Variants in ANKRD11 observed in about 807,000 individuals in gnomAD.
ANKRD11 encodes the protein ankyrin repeat domain-containing protein 11.
Under a neutral mutation model 195.7 loss-of-function variants are expected in ANKRD11, and 17 were observed. The ratio of observed to expected loss-of-function variants is 0.09; its 90% confidence interval spans 0.06 to 0.13. ANKRD11 has a LOEUF of 0.13. ANKRD11 is among the 10% of genes least tolerant of loss of function. ANKRD11 has a pLI of 1.00. For missense variants in ANKRD11, 3,735 were observed against 3,566.1 expected (o/e 1.05, Z -1.21); for synonymous variants, 1,953 against 1,528.1 (o/e 1.28, Z -6.49).
At chr16:89,461,194 C>T (rs1249146871) in intron 1 of ANKRD11, among the ~76,000 whole-genome samples, 17 of 86,152 alleles carry the variant, frequency 2.0e-4, no homozygotes, top group East Asian at 4.6e-4. Context: ...CCCCCCCCCC[C>T]TTATAGGAGA....
chr16:89,284,340 T>A lies in ANKRD11; in HGVS notation c.2202A>T (p.Glu734Asp). The change falls in exon 9 of 13, where the codon GAA becomes GAT. Residue 734 changes from glutamate (E) to aspartate (D), a missense_variant. Glu to Asp is a conservative substitution (Grantham distance 45). Transcript: ENST00000301030. ...CTGCTTTATTCGAACGGTCTTTCTC[T>A]TCTCGGAAAGACCTGCTGATGTCTT... The part of the protein sequence containing the change: ...TNKDISRSFR[E>D]EKDRSNKAEK... 6.2e-7 allele frequency: 1 copy of A among 1,613,954 alleles called. No individual in the cohort carries two copies.
chr16:89,362,502 G>C (rs953110623), intron 2 of ANKRD11, among the ~76,000 whole-genome samples: 9 of 152,238 alleles, frequency 5.9e-5, no homozygotes. Context: ...CTGAACCCAT[G>C]TGTCCAGCAC....
chr16:89,471,501 A>G (rs2057083060), intron 1 of ANKRD11, among the ~76,000 whole-genome samples: 1 of 151,658 alleles, frequency 6.6e-6, no homozygotes, highest in Non-Finnish European at 1.5e-5. Flanking sequence ...CACTTAAGAT[A>G]TGATTTCATG....
At chr16:89,326,313 G>A (rs1025736524) in intron 2 of ANKRD11, among the ~76,000 whole-genome samples, 5 of 152,154 alleles carry the variant, frequency 3.3e-5, no homozygotes, top group Admixed American at 1.3e-4. Flanking sequence ...AGAAAGGTCT[G>A]GGGTGTCACG....
rs575272377 is a variant in ANKRD11, at chr16:89,270,886, G to C, written c.7737C>G (p.Arg2579=). 2 of 1,613,990 alleles carry C rather than the reference G, an allele frequency of 1.2e-6. No individual in the cohort carries two copies. Among genetic ancestry groups the C allele is most frequent in the Non-Finnish European group, 1.7e-6 (2 of 1,180,000 alleles). The change falls in exon 12 of 13, where the codon CGC becomes CGG. Residue 2579 remains arginine (R), a synonymous_variant. Transcript: ENST00000301030. The part of the protein sequence containing the change: ...ESQGDENKSV[R]DRFNARQFIS... ...TGAACTGGCGGGCGTTGAAACGGTC[G>C]CGCACTGACTTGTTCTCGTCACCCT... is the stretch of plus-strand genomic sequence containing the variant.
chr16:89,286,964 G>A, intron 7 of ANKRD11: 1 of 1,289,758 alleles, frequency 7.8e-7, no homozygotes, highest in Non-Finnish European at 1.0e-6. Flanking sequence ...TCCAGTTCGT[G>A]TGTGACATGT....
intron 1 of ANKRD11, among the ~76,000 whole-genome samples, chr16:89,454,169 C>T (rs561573092): frequency 2.7e-3 from 404 of 152,302 alleles, no homozygotes; most frequent in African/African-American, 9.4e-3. Flanking sequence ...ACGACAGCCG[C>T]GCCACAACCA....
In ANKRD11 at chr16:89,318,349, C is replaced by G. The variant is rs1488651748; in HGVS notation, c.-59-1271G>C. On this transcript the variant is annotated intron_variant, in intron 2 of 12. Transcript: ENST00000301030. The stretch of plus-strand genomic sequence containing the variant: ...GGGGACACACCTACACACCCACACC[C>G]AAAGCCACTGTCCCCCCATCATGTC... 2.0e-5 allele frequency among the ~76,000 whole-genome samples: 3 copies of G among 152,346 alleles called. No individual in the cohort carries two copies. The East Asian group carries it at 5.8e-4, about 29-fold the overall frequency.
At chr16:89,341,221 C>G (rs2038639984) in intron 2 of ANKRD11, among the ~76,000 whole-genome samples, 1 of 152,242 alleles carries the variant, frequency 6.6e-6, no homozygotes, top group Non-Finnish European at 1.5e-5. Context: ...GACTGGACTT[C>G]TGCTGCCATC....
intron 2 of ANKRD11, among the ~76,000 whole-genome samples, chr16:89,318,983 A>G (rs537668909): frequency 6.6e-6 from 1 of 152,354 alleles, no homozygotes; most frequent in East Asian, 1.9e-4. Context: ...GCCTGGAGAA[A>G]GGGCATCTCA....
chr16:89,290,247 G>GTT, intron 6 of ANKRD11, among the ~76,000 whole-genome samples: 1 of 23,814 alleles, frequency 4.2e-5, no homozygotes, highest in African/African-American at 1.2e-4. Context: ...GGCTCCAGCG[G>GTT]GGGGTAGGCT....
chr16:89,404,103 G>C (rs899958505), intron 2 of ANKRD11, among the ~76,000 whole-genome samples: 1 of 152,170 alleles, frequency 6.6e-6, no homozygotes, highest in African/African-American at 2.4e-5. Context: ...TGCTAGCCCG[G>C]CACATGATTG....
chr16:89,301,080 C>T, intron 4 of ANKRD11: 2 of 540,520 alleles, frequency 3.7e-6, no homozygotes, highest in Non-Finnish European at 6.5e-6. Context: ...ACCTCAAAAA[C>T]ATTCGCTGGT....
chr16:89,388,506 G>A (rs1597243616), intron 2 of ANKRD11, among the ~76,000 whole-genome samples: 2 of 151,954 alleles, frequency 1.3e-5, no homozygotes, highest in East Asian at 3.9e-4. Context: ...TCCCTGTGGT[G>A]CTGTCGAACG....
chr16:89,469,553 G>A (rs966630269), intron 1 of ANKRD11, among the ~76,000 whole-genome samples: 3 of 149,138 alleles, frequency 2.0e-5, no homozygotes, highest in Admixed American at 6.7e-5. Context: ...TTTGAACACC[G>A]TACTGGAGAT....
intron 11 of ANKRD11, chr16:89,272,235 A>G (rs1307456654): frequency 1.3e-5 from 2 of 152,230 alleles, no homozygotes; most frequent in East Asian, 1.9e-4. Flanking sequence ...TCCAAAAGAC[A>G]GACAATCACA....
At chr16:89,481,694 C>A (rs901923787) in intron 1 of ANKRD11, among the ~76,000 whole-genome samples, 2 of 152,140 alleles carry the variant, frequency 1.3e-5, no homozygotes, top group Non-Finnish European at 2.9e-5. Flanking sequence ...TCATTGCAAA[C>A]CCTACACAAC....
intron 1 of ANKRD11, among the ~76,000 whole-genome samples, chr16:89,476,530 C>T (rs923182905): frequency 1.3e-5 from 2 of 152,222 alleles, no homozygotes; most frequent in Non-Finnish European, 2.9e-5. Flanking sequence ...GACCCAACGC[C>T]TACGCTTGCT....
rs531483424 is a variant in ANKRD11 at position 89,304,600 on chromosome 16, GCACA to G, written c.226+602_226+605del. Among the ~76,000 whole-genome samples, 331 of 147,644 alleles carry G rather than the reference GCACA, an allele frequency of 2.2e-3. 1 individual carries two copies. The highest frequency in any genetic ancestry group is 8.0e-3 in the African/African-American group (318 of 39,622). On this transcript the variant is annotated intron_variant, in intron 4 of 12. Transcript: ENST00000301030. ...TACATACAAGTACATACACACACGGGCACACACACGGGCATACATACAGGCACAC... is the reference window on the plus strand; with the variant it reads ...TACATACAAGTACATACACACACGGGCACACGGGCATACATACAGGCACAC...
Sources: gnomAD v4.1 joint callset for allele counts (sites outside exome capture counted in the v4.1 genomes callset) on GRCh38, gnomAD v4.1.1 for gene constraint, MANE v1.5 for transcripts, NCBI Gene and HGNC (gene_info 2026-07-23, HGNC 2026-07-21) for gene names.